Variants in PRKN observed in about 807,000 individuals in gnomAD.
PRKN encodes parkin RBR E3 ubiquitin protein ligase.
Under a neutral mutation model 59.5 loss-of-function variants are expected in PRKN, and 56 were observed. The observed-to-expected ratio is 0.94, with a 90% CI of 0.76 to 1.18. The LOEUF (loss-of-function observed/expected upper bound fraction) is 1.18, where lower values mean the gene tolerates loss of function less well. Among genes scored for constraint, PRKN ranks in the 50% most tolerant of loss-of-function variants. The pLI is 0.00. For synonymous variants in PRKN, 250 were observed against 222.1 expected, an observed-to-expected ratio of 1.13 and a Z score of -1.12; for missense variants, 657 against 596.4, an observed-to-expected ratio of 1.10 and a Z score of -1.06.
chr6:162,139,302 T>C (rs1395382775), intron 4 of PRKN, among the ~76,000 whole-genome samples: 4 of 152,220 alleles, frequency 2.6e-5, no homozygotes, highest in Admixed American at 1.3e-4. Flanking sequence ...TCTTAAGTCC[T>C]TGTAGATTAA....
intron 7 of PRKN, among the ~76,000 whole-genome samples, chr6:161,767,567 G>A (rs1789484238): frequency 2.0e-5 from 3 of 151,342 alleles, no homozygotes; most frequent in Admixed American, 6.6e-5. Flanking sequence ...AGAACGCTCC[G>A]AAGCAAAGCT....
At chr6:161,609,510 T>C (rs930903302) in intron 7 of PRKN, among the ~76,000 whole-genome samples, 7 of 152,230 alleles carry the variant, frequency 4.6e-5, no homozygotes, top group Non-Finnish European at 5.9e-5. Context: ...AGTTTACAGA[T>C]ATTTAACACT....
At chr6:161,509,428 G>A (rs1453932766) in intron 9 of PRKN, among the ~76,000 whole-genome samples, 1 of 152,164 alleles carries the variant, frequency 6.6e-6, no homozygotes, top group Admixed American at 6.5e-5. Flanking sequence ...TAGAGCCAGG[G>A]AGGAGCCTGG....
At chr6:162,455,864 T>G (rs1790847447) in intron 1 of PRKN, among the ~76,000 whole-genome samples, 1 of 152,100 alleles carries the variant, frequency 6.6e-6, no homozygotes, top group Non-Finnish European at 1.5e-5. Flanking sequence ...ATTTGTCAGA[T>G]TGAACAAAAT....
intron 1 of PRKN, among the ~76,000 whole-genome samples, chr6:162,678,672 T>C (rs972794229): frequency 3.9e-5 from 6 of 152,218 alleles, no homozygotes; most frequent in African/African-American, 9.6e-5. Context: ...TTTTGAGAGT[T>C]CTTTAAATAG....
At chr6:162,010,166 C>T (rs9347578) in intron 5 of PRKN, among the ~76,000 whole-genome samples, 68,467 of 142,982 alleles carry the variant, frequency 0.48, 16,762 homozygotes, top group East Asian at 0.6. Context: ...GGAGACCCCT[C>T]GCAGAATCAA....
chr6:162,537,715 C>T (rs1198605685), intron 1 of PRKN, among the ~76,000 whole-genome samples: 1 of 152,208 alleles, frequency 6.6e-6, no homozygotes. Context: ...CCTATTTCTA[C>T]ATCAGCTTCC....
rs569392083 is a variant in PRKN at position 162,316,270 on chromosome 6, C to T, written c.172-53505G>A. Among the ~76,000 whole-genome samples, 21 of 151,400 alleles carry T rather than the reference C, an allele frequency of 1.4e-4. No homozygotes were observed. In the East Asian group the frequency reaches 4.1e-3, roughly 29 times the overall value. ...TAGTTTTTTAAGTTACATTCCACAGCCGGATGTGATAGAGTCCCAGTCATG... is the reference window on the plus strand; with the variant it reads ...TAGTTTTTTAAGTTACATTCCACAGTCGGATGTGATAGAGTCCCAGTCATG... On this transcript the variant is annotated intron_variant, in intron 2 of 11. Coordinates refer to ENST00000366898, the MANE Select transcript of PRKN (RefSeq NM_004562.3).
intron 1 of PRKN, chr6:162,568,748 C>G (rs1172747783): frequency 2.3e-5 from 17 of 749,904 alleles, no homozygotes; most frequent in Non-Finnish European, 3.4e-5. Flanking sequence ...ACATCAACAA[C>G]CCTAGGGGGC....
chr6:162,552,190 G>A (rs1478442143), intron 1 of PRKN, among the ~76,000 whole-genome samples: 1 of 152,196 alleles, frequency 6.6e-6, no homozygotes, highest in Non-Finnish European at 1.5e-5. Flanking sequence ...GGCGTTGGTG[G>A]CCATAGGTGT....
intron 4 of PRKN, among the ~76,000 whole-genome samples, chr6:162,105,663 G>T (rs1032261885): frequency 6.6e-5 from 10 of 152,184 alleles, no homozygotes; most frequent in African/African-American, 2.4e-4. Context: ...GTCTCCCAAA[G>T]TGCTGGGATT....
intron 2 of PRKN, among the ~76,000 whole-genome samples, chr6:162,395,005 T>C (rs1222953301): frequency 6.6e-6 from 1 of 152,196 alleles, no homozygotes; most frequent in Non-Finnish European, 1.5e-5. Context: ...AGTAAAAAGC[T>C]AACAAAGAAG....
chr6:161,786,046 G>T (rs73017217), intron 6 of PRKN, 138 bp from the exon 7 acceptor site: 721 of 807,994 alleles, frequency 8.9e-4, no homozygotes, highest in Non-Finnish European at 1.3e-3. Flanking sequence ...TAAGCATTAA[G>T]CTCATGTATA....
chr6:162,055,703 G>T (rs1211695628), intron 4 of PRKN, among the ~76,000 whole-genome samples: 1 of 152,158 alleles, frequency 6.6e-6, no homozygotes, highest in African/African-American at 2.4e-5. Context: ...CAGGGGCAGA[G>T]GCTGTGGTGA....
At chr6:161,808,571 G>T (rs180783467) in intron 6 of PRKN, among the ~76,000 whole-genome samples, 67 of 152,214 alleles carry the variant, frequency 4.4e-4, no homozygotes, top group Non-Finnish European at 7.2e-4. Flanking sequence ...GTTATAAAGG[G>T]TGTTCTTAAT....
intron 7 of PRKN, among the ~76,000 whole-genome samples, chr6:161,735,035 G>C (rs74948643): frequency 7.4e-6 from 1 of 134,848 alleles, no homozygotes; most frequent in Non-Finnish European, 1.6e-5. Context: ...AAAAAAAAAA[G>C]CACATGCCCC....
At chr6:162,111,718 G>A (rs1354269868) in intron 4 of PRKN, among the ~76,000 whole-genome samples, 3 of 152,082 alleles carry the variant, frequency 2.0e-5, no homozygotes, top group Non-Finnish European at 2.9e-5. Context: ...AAAAAAAAAG[G>A]TGGAGAAAAA....
chr6:161,636,793 G>C (rs1186668063), intron 7 of PRKN, among the ~76,000 whole-genome samples: 1 of 152,030 alleles, frequency 6.6e-6, no homozygotes, highest in Non-Finnish European at 1.5e-5. Flanking sequence ...ACAGGCCTGT[G>C]GTCCACACAG....
chr6:162,407,967 A>T (rs1445505054), intron 2 of PRKN, among the ~76,000 whole-genome samples: 3 of 152,062 alleles, frequency 2.0e-5, no homozygotes, highest in Non-Finnish European at 4.4e-5. Context: ...ATAAAATCAG[A>T]TGACTAATAT....
Sources: gnomAD v4.1 joint callset for allele counts (sites outside exome capture counted in the v4.1 genomes callset) on GRCh38, gnomAD v4.1.1 for gene constraint, MANE v1.5 for transcripts, NCBI Gene and HGNC (gene_info 2026-07-23, HGNC 2026-07-21) for gene names.